The following STK31 variants were observed in gnomAD, a reference collection of about 807,000 sequenced individuals.
STK31 encodes serine/threonine kinase 31.
Under a neutral mutation model 129.7 loss-of-function variants are expected in STK31, and 89 were observed. The ratio of observed to expected loss-of-function variants is 0.69; its 90% CI spans 0.58 to 0.82. The LOEUF (loss-of-function observed/expected upper bound fraction) is 0.82, where lower values mean the gene tolerates loss of function less well. Ranked by LOEUF, STK31 falls within the 40% of genes least tolerant of loss-of-function variation. The pLI is 0.00. For synonymous variants in STK31, 448 were observed against 395.3 expected (o/e 1.13, Z -1.58); for missense variants, 1,187 against 1,176.4 (o/e 1.01, Z -0.13).
intron 3 of STK31, among the ~76,000 whole-genome samples, chr7:23,716,621 A>G (rs1007407861): frequency 6.6e-6 from 1 of 151,972 alleles, no homozygotes; most frequent in Non-Finnish European, 1.5e-5. Context: ...CCATTTATTT[A>G]TTCAATTATT....
At chr7:23,793,507 T>C (rs1791763064) in intron 22 of STK31, among the ~76,000 whole-genome samples, 2 of 152,172 alleles carry the variant, frequency 1.3e-5, no homozygotes, top group South Asian at 2.1e-4. Flanking sequence ...AAAAATATTA[T>C]ATCCAGATTA....
chr7:23,744,067 A>G (rs768652693), intron 8 of STK31, among the ~76,000 whole-genome samples: 1 of 151,792 alleles, frequency 6.6e-6, no homozygotes, highest in African/African-American at 2.4e-5. Context: ...CTACAGGTGC[A>G]TGCCACCATG....
Position 23,786,690 on chromosome 7 carries a change from T to A in STK31, c.2400+57T>A, listed in dbSNP as rs181911339. 6 of 1,575,734 alleles carry A rather than the reference T, an allele frequency of 3.8e-6. No homozygotes were observed. In the Admixed American group the frequency reaches 7.7e-5, roughly 20 times the overall value. ...CCATTTTATCTTGCAGAAACTATTTTATTTAAAATAAATTTTAGCTCCAGG... is the reference window on the plus strand; with the variant it reads ...CCATTTTATCTTGCAGAAACTATTTAATTTAAAATAAATTTTAGCTCCAGG... On this transcript the variant is annotated intron_variant, in intron 19 of 23. Coordinates refer to ENST00000355870, the MANE Select transcript of STK31 (RefSeq NM_031414.5).
At chr7:23,747,951 G>C (rs1788462149) in intron 8 of STK31, among the ~76,000 whole-genome samples, 1 of 151,798 alleles carries the variant, frequency 6.6e-6, no homozygotes, top group Non-Finnish European at 1.5e-5. Context: ...CTGATTTCCT[G>C]TTTTCAAATT....
chr7:23,810,705 T>C (rs1793047468), intron 22 of STK31, among the ~76,000 whole-genome samples: 1 of 80,912 alleles, frequency 1.2e-5, no homozygotes, highest in East Asian at 2.6e-4. Context: ...AAAATAGATA[T>C]ATATAAAATA....
rs1222960992 is a variant in STK31 at position 23,721,581 on chromosome 7, C to T, written c.249+4002C>T. On this transcript the variant is annotated intron_variant, in intron 4 of 23. Coordinates refer to ENST00000355870, the MANE Select transcript of STK31 (RefSeq NM_031414.5). Reference sequence around the variant, plus strand: ...TTGGGTGGAGCCCTTTGCGGAATCCCCTTGGCCTGCATCTCATCATTTATG... The same window carrying T: ...TTGGGTGGAGCCCTTTGCGGAATCCTCTTGGCCTGCATCTCATCATTTATG... The T allele has an allele frequency of 1.1e-5, 10 of 938,890 alleles. No individual in the cohort carries two copies. The African/African-American group carries it at 1.6e-4, about 15-fold the overall frequency. 58.2% of individuals were successfully genotyped at this position (938,890 alleles called of 1,614,324 possible).
intron 12 of STK31, among the ~76,000 whole-genome samples, 188 bp downstream of exon 12, chr7:23,769,362 A>AATCAAT (rs1790037601): frequency 1.3e-5 from 2 of 151,574 alleles, no homozygotes; most frequent in Non-Finnish European, 2.9e-5. Flanking sequence ...GTCTCAAAAA[A>AATCAAT]ATCATATCGG....
At chr7:23,773,717 TTGTG>T (rs1161112664) in intron 15 of STK31, among the ~76,000 whole-genome samples, 4 of 138,460 alleles carry the variant, frequency 2.9e-5, no homozygotes, top group South Asian at 4.7e-4. Context: ...GTTTCCTGAC[TTGTG>T]TGTGTGTGTG....
chr7:23,740,319 C>A lies in STK31; in HGVS notation c.1017+3241C>A, dbSNP rs1056635562. Among the ~76,000 whole-genome samples the A allele has an allele frequency of 1.3e-4, 20 of 151,954 alleles. 1 individual carries two copies. Among genetic ancestry groups the A allele is most frequent in the Admixed American group, 5.9e-4 (9 of 15,248 alleles). ...TTTTCTTTTTGATGCACACATTATC[C>A]CCTTTGAAGTCTTTTTAAATTAGCT... On this transcript the variant is annotated intron_variant, in intron 8 of 23. Coordinates refer to ENST00000355870, the MANE Select transcript of STK31 (RefSeq NM_031414.5).
At position 23,727,279 on chromosome 7, in the gene STK31, C is replaced by G; in HGVS notation, c.288C>G (p.Tyr96Ter). 1 of 1,613,484 alleles carries G rather than the reference C, an allele frequency of 6.2e-7. No individual in the cohort carries two copies. Among genetic ancestry groups the G allele is most frequent in the East Asian group, 2.2e-5 (1 of 44,746 alleles). ...TATTTTCTGAAGATCAGTGTTGGTA[C>G]AGATGCAAAGTACTGAAAATCATCA... The part of the protein sequence containing the change: ...GGLFSEDQCW[Y>*]RCKVLKIISV... Residue 96 changes from tyrosine to a stop codon, truncating the protein, a stop_gained, in exon 5 of 24, where the codon TAC becomes TAG. Transcript: ENST00000355870. LOFTEE classifies it high-confidence loss of function.
At chr7:23,797,292 C>T (rs35483416) in intron 22 of STK31, among the ~76,000 whole-genome samples, 1 of 152,116 alleles carries the variant, frequency 6.6e-6, no homozygotes, top group Non-Finnish European at 1.5e-5. Flanking sequence ...AACTCTCCAC[C>T]CCAAATCAAC....
intron 22 of STK31, among the ~76,000 whole-genome samples, chr7:23,808,943 T>TTGTGTGTG (rs1554297249): frequency 1.2e-4 from 10 of 84,436 alleles, no homozygotes; most frequent in African/African-American, 1.8e-4. Context: ...CTTGGAGCTT[T>TTGTGTGTG]TGTGTGTGTG....
intron 22 of STK31, among the ~76,000 whole-genome samples, chr7:23,792,563 C>T (rs1366090816): frequency 6.6e-6 from 1 of 152,104 alleles, no homozygotes; most frequent in Non-Finnish European, 1.5e-5. Context: ...GCAATTTCAA[C>T]AAAATTGCTG....
At chr7:23,735,979 G>A in intron 7 of STK31, 83 bp downstream of exon 7, 1 of 1,187,744 alleles carries the variant, frequency 8.4e-7, no homozygotes. Context: ...TTATGCTTTT[G>A]GAATCCTTTA....
intron 22 of STK31, chr7:23,811,517 A>G (rs1047938699): frequency 2.9e-5 from 8 of 277,858 alleles, no homozygotes; most frequent in Admixed American, 1.2e-4. Context: ...ATTTCCACCA[A>G]TGAGCAAGTC....
rs1195398715 is a variant in STK31 at position 23,735,861 on chromosome 7, T to C, written c.807T>C (p.Asp269=). The C allele has an allele frequency of 6.3e-7, 1 of 1,590,446 alleles. No homozygotes were observed. The highest frequency in any genetic ancestry group is 2.2e-5 in the East Asian group (1 of 44,546). ...AGAAAATGACTCTTGACTTGAAGGATGAAAATGATGCAGGCAATCTTATAA... is the reference window on the plus strand; with the variant it reads ...AGAAAATGACTCTTGACTTGAAGGACGAAAATGATGCAGGCAATCTTATAA... ...LSEKMTLDLK[D]ENDAGNLITF... is the part of the protein sequence containing the mutation. Residue 269 remains aspartate (D), a synonymous_variant, in exon 7 of 24, where the codon GAT becomes GAC. Transcript: ENST00000355870.
intron 22 of STK31, among the ~76,000 whole-genome samples, chr7:23,801,519 T>G (rs984380775): frequency 6.6e-6 from 1 of 152,180 alleles, no homozygotes; most frequent in Admixed American, 6.5e-5. Flanking sequence ...TTCAGTGTCT[T>G]TTGCAGAGAA....
At chr7:23,796,055 GACA>G (rs1451443535) in intron 22 of STK31, among the ~76,000 whole-genome samples, 2 of 152,168 alleles carry the variant, frequency 1.3e-5, no homozygotes, top group African/African-American at 4.8e-5. Flanking sequence ...GAAATGTGAA[GACA>G]TGAGATTTGG....
At chr7:23,749,404 G>A (rs1323919716) in intron 8 of STK31, among the ~76,000 whole-genome samples, 8 of 146,300 alleles carry the variant, frequency 5.5e-5, no homozygotes, top group African/African-American at 1.5e-4. Flanking sequence ...ATGCAGTGGC[G>A]TGATCTTGGC....
Sources: gnomAD v4.1 joint callset for allele counts (sites outside exome capture counted in the v4.1 genomes callset) on GRCh38, gnomAD v4.1.1 for gene constraint, MANE v1.5 for transcripts, NCBI Gene and HGNC (gene_info 2026-07-23, HGNC 2026-07-21) for gene names.